Variants in SERPINB12 observed in about 807,000 individuals in gnomAD.
SERPINB12 encodes the protein serpin B12.
Under a neutral mutation model 41.1 loss-of-function variants are expected in SERPINB12, and 57 were observed. That is an observed-to-expected ratio of 1.39 (90% CI 1.12 to 1.73). The LOEUF is 1.73. Ranked by LOEUF, SERPINB12 falls within the 40% of genes most tolerant of loss-of-function variation. The pLI, the probability that SERPINB12 is intolerant of heterozygous loss-of-function variation, is 0.00. For synonymous variants in SERPINB12, 180 were observed against 181.3 expected, an observed-to-expected ratio of 0.99 and a Z score of 0.06; for missense variants, 536 against 501.9, an observed-to-expected ratio of 1.07 and a Z score of -0.65.
At chr18:63,522,400 A>G in the SERPINB12 span, among the ~76,000 whole-genome samples, 1 of 152,230 alleles carries the variant, frequency 6.6e-6, no homozygotes, top group Non-Finnish European at 1.5e-5. Context: ...AGCAAAAAAA[A>G]GTAAATGTTT....
Position 63,566,814 on chromosome 18 carries a change from T to C in SERPINB12, c.1081T>C (p.Leu361=). The change falls in exon 8 of 8, where the codon TTG becomes CTG. Residue 361 remains leucine (L), a synonymous_variant. Coordinates refer to ENST00000382768, the MANE Select transcript of SERPINB12 (RefSeq NM_001307928.2). ...TGISPSPNLY[L]SKIIHKTFVE... is the part of the protein sequence containing the mutation. ...AATCTCTCCAAGTCCCAATTTGTAC[T>C]TGTCAAAAATTATCCACAAAACCTT... is the stretch of plus-strand genomic sequence containing the variant. 1 of 1,614,114 alleles carries C rather than the reference T, an allele frequency of 6.2e-7. No individual in the cohort carries two copies. Among genetic ancestry groups the C allele is most frequent in the South Asian group, 1.1e-5 (1 of 91,058 alleles).
chr18:63,538,222 A>T (rs1210896787), upstream of SERPINB12, among the ~76,000 whole-genome samples: 1 of 152,160 alleles, frequency 6.6e-6, no homozygotes, highest in Non-Finnish European at 1.5e-5. Flanking sequence ...AATAAAATTC[A>T]CCCTTTTAAA....
At chr18:63,552,799 C>T (rs1488946552) in intron 1 of SERPINB12, among the ~76,000 whole-genome samples, 4 of 151,994 alleles carry the variant, frequency 2.6e-5, no homozygotes, top group Non-Finnish European at 5.9e-5. Context: ...ACTGACTCAC[C>T]CCCACCCCCC....
chr18:63,520,058 G>A, the SERPINB12 span, among the ~76,000 whole-genome samples: 1 of 152,146 alleles, frequency 6.6e-6, no homozygotes, highest in African/African-American at 2.4e-5. Flanking sequence ...CTTTGCCCCT[G>A]GGAATCTTCT....
Position 63,556,214 on chromosome 18 carries a change from A to T in SERPINB12, c.55A>T (p.Ile19Leu), listed in dbSNP as rs1268369919. The T allele has an allele frequency of 6.2e-7, 1 of 1,613,882 alleles. No individual in the cohort carries two copies. Among genetic ancestry groups the T allele is most frequent in the African/African-American group, 1.3e-5 (1 of 74,888 alleles). ...TKFCFDLFQE[I>L]GKDDRHKNIF... is the part of the protein sequence containing the mutation. The stretch of plus-strand genomic sequence containing the variant: ...ATTTTGCTTTGATCTTTTTCAAGAG[A>T]TAGGCAAAGATGATCGTCATAAAAA... Residue 19 changes from isoleucine (I) to leucine (L), a missense_variant, in exon 2 of 8, where the codon ATA becomes TTA. Physicochemically the swap from Ile to Leu is conservative, Grantham distance 5. Coordinates refer to ENST00000382768, the MANE Select transcript of SERPINB12 (RefSeq NM_001307928.2).
At chr18:63,542,971 C>G (rs533686995) in intron 1 of SERPINB12, among the ~76,000 whole-genome samples, 10 of 152,242 alleles carry the variant, frequency 6.6e-5, no homozygotes, top group African/African-American at 2.4e-4. Context: ...AGGACATGAT[C>G]TTGTTCTTTT....
rs1358321443 is a variant in SERPINB12, at chr18:63,558,393, A to G, written c.210A>G (p.Glu70=). The G allele has an allele frequency of 6.2e-7, 1 of 1,613,958 alleles. No individual in the cohort carries two copies. Among genetic ancestry groups the G allele is most frequent in the East Asian group, 2.2e-5 (1 of 44,886 alleles). ...FNEFSQNESK[E]PDPCLKSNKQ... Reference sequence around the variant, plus strand: ...AATTTTCCCAGAATGAAAGCAAAGAACCTGACCCTTGTCTGAAAAGCAACA... The same window carrying G: ...AATTTTCCCAGAATGAAAGCAAAGAGCCTGACCCTTGTCTGAAAAGCAACA... The change falls in exon 3 of 8, where the codon GAA becomes GAG. Residue 70 remains glutamate (E), a synonymous_variant. Coordinates refer to ENST00000382768, the MANE Select transcript of SERPINB12 (RefSeq NM_001307928.2).
intron 1 of SERPINB12, among the ~76,000 whole-genome samples, chr18:63,553,689 G>A (rs750115859): frequency 6.6e-6 from 1 of 152,036 alleles, no homozygotes; most frequent in Non-Finnish European, 1.5e-5. Flanking sequence ...TACAACAAAG[G>A]TTTTAAAAAA....
At chr18:63,566,391 C>G (rs1911098117) in intron 7 of SERPINB12, among the ~76,000 whole-genome samples, 1 of 152,136 alleles carries the variant, frequency 6.6e-6, no homozygotes, top group East Asian at 1.9e-4. Flanking sequence ...TCTCAAACAC[C>G]AGAGCACACT....
chr18:63,560,657 T>C (rs1379706771), intron 4 of SERPINB12, among the ~76,000 whole-genome samples: 1 of 152,200 alleles, frequency 6.6e-6, no homozygotes, highest in Non-Finnish European at 1.5e-5. Context: ...ACCATCACCT[T>C]ATCTATTTCT....
intron 3 of SERPINB12, 144 bp downstream of exon 3, chr18:63,558,630 T>A (rs1910763025): frequency 1.1e-6 from 1 of 925,590 alleles, no homozygotes. Context: ...GATCTGTGAT[T>A]CCTGAGTATG....
chr18:63,521,671 C>T, the SERPINB12 span, among the ~76,000 whole-genome samples: 1 of 152,150 alleles, frequency 6.6e-6, no homozygotes, highest in South Asian at 2.1e-4. Flanking sequence ...TCTCATTATG[C>T]TGGGAGTTTT....
At chr18:63,562,172 A>T (rs1910933553) in intron 5 of SERPINB12, among the ~76,000 whole-genome samples, 1 of 152,140 alleles carries the variant, frequency 6.6e-6, no homozygotes, top group Admixed American at 6.5e-5. Flanking sequence ...CTGATCTTCT[A>T]GGTGGGGCTT....
At chr18:63,564,264 C>A (rs550969456) in intron 6 of SERPINB12, 144 bp downstream of exon 6, 3 of 798,266 alleles carry the variant, frequency 3.8e-6, no homozygotes, top group East Asian at 2.7e-5. Context: ...ACCTGAATTT[C>A]ATTGAGTATT....
chr18:63,552,094 A>T (rs1910546283), intron 1 of SERPINB12, among the ~76,000 whole-genome samples: 1 of 152,138 alleles, frequency 6.6e-6, no homozygotes, highest in African/African-American at 2.4e-5. Context: ...AGGATTAGGG[A>T]GGGGAAAGAA....
intron 1 of SERPINB12, among the ~76,000 whole-genome samples, chr18:63,555,593 G>T (rs887657883): frequency 2.0e-5 from 3 of 152,144 alleles, no homozygotes; most frequent in Non-Finnish European, 4.4e-5. Context: ...TTAAGATGAG[G>T]TTGTACTGGC....
At chr18:63,537,493 T>G (rs1910197150), upstream of SERPINB12, among the ~76,000 whole-genome samples, 1 of 152,076 alleles carries the variant, frequency 6.6e-6, no homozygotes, top group Non-Finnish European at 1.5e-5. Context: ...AATGATAGAG[T>G]TGGAACAGTT....
intron 2 of SERPINB12, among the ~76,000 whole-genome samples, chr18:63,557,819 C>T (rs1910727723): frequency 6.6e-6 from 1 of 152,170 alleles, no homozygotes; most frequent in Admixed American, 6.5e-5. Context: ...TCTAGATCAG[C>T]ACTGTCTGAC....
At chr18:63,531,172 G>T in the SERPINB12 span, among the ~76,000 whole-genome samples, 7 of 152,124 alleles carry the variant, frequency 4.6e-5, no homozygotes, top group Non-Finnish European at 1.0e-4. Flanking sequence ...TGATAATTAT[G>T]AATCCATACA....
Sources: allele counts gnomAD v4.1 joint callset (sites outside exome capture counted in the v4.1 genomes callset), GRCh38; gene constraint gnomAD v4.1.1; transcripts MANE v1.5; gene names NCBI Gene and HGNC (gene_info 2026-07-23, HGNC 2026-07-21).